The following EFCAB5 variants were observed in gnomAD, a reference collection of about 807,000 sequenced individuals.
EFCAB5 encodes EF-hand calcium-binding domain-containing protein 5.
A neutral mutation model predicts 167.9 loss-of-function variants in EFCAB5; 131 were observed. That is an observed-to-expected ratio of 0.78 (90% CI 0.68 to 0.90). EFCAB5 has a LOEUF of 0.90. Among genes scored for constraint, EFCAB5 ranks in the 40% least tolerant of loss-of-function variants. The pLI, the probability that EFCAB5 is intolerant of heterozygous loss-of-function variation, is 0.00. For missense variants in EFCAB5, 1,663 were observed against 1,745.2 expected, an observed-to-expected ratio of 0.95 and a Z score of 0.84; for synonymous variants, 574 against 602.8, an observed-to-expected ratio of 0.95 and a Z score of 0.70.
chr17:30,053,307 GGAT>G lies in EFCAB5; in HGVS notation c.1354_1356del (p.Asp452del). On this transcript the variant is annotated inframe_deletion, in exon 10 of 23. Coordinates refer to ENST00000394835, the MANE Select transcript of EFCAB5 (RefSeq NM_198529.4). Reference sequence around the variant, plus strand: ...ACTTGACTGAGTTGTGGGGAGACATGGATAATCAGAAACACATTTATGAAGGTT... The same window carrying G: ...ACTTGACTGAGTTGTGGGGAGACATGAATCAGAAACACATTTATGAAGGTT... The G allele has an allele frequency of 6.2e-7, 1 of 1,613,386 alleles. No individual in the cohort carries two copies. Among genetic ancestry groups the G allele is most frequent in the Admixed American group, 1.7e-5 (1 of 59,948 alleles).
At position 29,941,706 on chromosome 17, in the gene EFCAB5, T is replaced by C; in HGVS notation, c.-91T>C. 6.8e-6 allele frequency: 8 copies of C among 1,175,604 alleles called. No homozygotes were observed. The highest frequency in any genetic ancestry group is 9.7e-6 in the Non-Finnish European group (8 of 821,038). 72.8% of individuals were successfully genotyped at this position (1,175,604 alleles called of 1,614,324 possible). Reference sequence around the variant, plus strand: ...CTTTTTTAACTTCTGGAGTACTTTGTGATGTTTATTAATATTTTCTTTCTT... The same window carrying C: ...CTTTTTTAACTTCTGGAGTACTTTGCGATGTTTATTAATATTTTCTTTCTT... On this transcript the variant is annotated 5_prime_UTR_variant, in exon 1 of 23. Coordinates refer to ENST00000394835, the MANE Select transcript of EFCAB5 (RefSeq NM_198529.4).
rs1597778014 is a variant in EFCAB5, at chr17:30,078,371, T to C, written c.2894T>C (p.Leu965Ser). The change falls in exon 15 of 23, where the codon TTA becomes TCA. Residue 965 changes from leucine (L) to serine (S), a missense_variant. By Grantham distance (145) the Leu-to-Ser change is moderately radical (BLOSUM62 -2). Coordinates refer to ENST00000394835, the MANE Select transcript of EFCAB5 (RefSeq NM_198529.4). ...GTTGTGGAATTTCTGATGAATGCTT[T>C]AGAGAGGAGCCACATTGAGAGTCTG... is the stretch of plus-strand genomic sequence containing the variant. The part of the protein sequence containing the change: ...ESVVEFLMNA[L>S]ERSHIESLRN... 1 of 1,613,848 alleles carries C rather than the reference T, an allele frequency of 6.2e-7. No homozygotes were observed. The highest frequency in any genetic ancestry group is 2.2e-5 in the East Asian group (1 of 44,894).
At chr17:30,036,153 ATAT>A (rs896273918) in intron 8 of EFCAB5, among the ~76,000 whole-genome samples, 4 of 141,144 alleles carry the variant, frequency 2.8e-5, no homozygotes, top group Non-Finnish European at 4.6e-5. Flanking sequence ...AATATATAAT[ATAT>A]TATTATATAT....
rs201245772 is a variant in EFCAB5 at position 30,041,888 on chromosome 17, T to A, written c.1200+7503T>A. Among the ~76,000 whole-genome samples, 4 of 152,228 alleles carry A rather than the reference T, an allele frequency of 2.6e-5. No individual in the cohort carries two copies. In the East Asian group the frequency reaches 7.7e-4, roughly 29 times the overall value. On this transcript the variant is annotated intron_variant, in intron 8 of 22. Coordinates refer to ENST00000394835, the MANE Select transcript of EFCAB5 (RefSeq NM_198529.4). The stretch of plus-strand genomic sequence containing the variant: ...AGGCACAGATGATCATTAGCATTTT[T>A]TAGCAATAAAGTGTTTTTAAATTCA...
intron 22 of EFCAB5, 114 bp downstream of exon 22, chr17:30,093,050 G>A (rs2071231450): frequency 1.2e-5 from 8 of 673,494 alleles, no homozygotes; most frequent in Non-Finnish European, 1.9e-5. Context: ...GGAGAAAATA[G>A]TTATAAGTCT....
intron 7 of EFCAB5, among the ~76,000 whole-genome samples, chr17:30,012,436 G>A (rs2068927368): frequency 6.6e-6 from 1 of 152,162 alleles, no homozygotes; most frequent in African/African-American, 2.4e-5. Flanking sequence ...AGTACTAAAA[G>A]TCTCTAATAA....
intron 14 of EFCAB5, chr17:30,069,638 G>T: frequency 6.2e-7 from 1 of 1,601,522 alleles, no homozygotes; most frequent in Non-Finnish European, 8.5e-7. Context: ...CAGCTAGCCT[G>T]GGCCACGGGG....
At chr17:29,976,531 C>A (rs1203526013) in intron 4 of EFCAB5, among the ~76,000 whole-genome samples, 1 of 152,136 alleles carries the variant, frequency 6.6e-6, no homozygotes, top group African/African-American at 2.4e-5. Context: ...GTGTGTTCTG[C>A]TCCTAATCCC....
intron 4 of EFCAB5, among the ~76,000 whole-genome samples, chr17:29,980,814 T>C (rs1016777961): frequency 2.6e-5 from 4 of 152,256 alleles, no homozygotes; most frequent in African/African-American, 9.6e-5. Context: ...TACATCCAAC[T>C]ATTTATTCAA....
intron 13 of EFCAB5, 106 bp from the exon 14 acceptor site, chr17:30,059,439 C>A: frequency 8.1e-7 from 1 of 1,238,684 alleles, no homozygotes; most frequent in Non-Finnish European, 1.1e-6. Flanking sequence ...TCAAAGTAAA[C>A]CTGTTTTAAT....
Position 30,082,879 on chromosome 17 carries a change from C to T in EFCAB5, c.3427-12C>T. The T allele has an allele frequency of 6.3e-7, 1 of 1,593,004 alleles. No homozygotes were observed. Among genetic ancestry groups the T allele is most frequent in the Non-Finnish European group, 8.5e-7 (1 of 1,170,426 alleles). ...AAAAAGAATAGGCTATTTGAATTTT[C>T]TGTCTCTACAGGGTGTTGCTAATGT... On this transcript the variant is annotated splice_polypyrimidine_tract_variant and intron_variant, in intron 17 of 22. Transcript: ENST00000394835.
At chr17:30,029,934 TC>T (rs1222539130) in intron 7 of EFCAB5, among the ~76,000 whole-genome samples, 6 of 152,090 alleles carry the variant, frequency 3.9e-5, no homozygotes, top group African/African-American at 1.4e-4. Context: ...GAAAGGAAAA[TC>T]CCAGAATTCA....
intron 3 of EFCAB5, among the ~76,000 whole-genome samples, chr17:29,944,770 C>T (rs1259984500): frequency 1.1e-4 from 16 of 151,788 alleles, no homozygotes; most frequent in Admixed American, 9.9e-4. Context: ...ATTACAAGCA[C>T]GTGCCATCAC....
chr17:29,956,164 T>G (rs1227916856), intron 3 of EFCAB5, among the ~76,000 whole-genome samples: 1 of 152,270 alleles, frequency 6.6e-6, no homozygotes, highest in African/African-American at 2.4e-5. Flanking sequence ...TGGAATCTAT[T>G]AAATTGTCTA....
chr17:30,030,334 T>G (rs376664593), intron 7 of EFCAB5, among the ~76,000 whole-genome samples: 3 of 151,804 alleles, frequency 2.0e-5, no homozygotes, highest in African/African-American at 7.2e-5. Context: ...CAGAAAAAGG[T>G]TTGTTTGTTT....
intron 22 of EFCAB5, among the ~76,000 whole-genome samples, chr17:30,096,189 C>CT: frequency 6.6e-6 from 1 of 152,298 alleles, no homozygotes; most frequent in Non-Finnish European, 1.5e-5. Context: ...AAACCCCCTG[C>CT]TTTTCAGTTC....
chr17:30,057,700 T>C lies in EFCAB5; in HGVS notation c.2390T>C (p.Ile797Thr), dbSNP rs1341310313. ...GATTTACACTCAATTATCAGAAATA[T>C]TCAGTCTTGCAAGGAGGTAAAAGGC... is the stretch of plus-strand genomic sequence containing the variant. ...FTDLHSIIRN[I>T]QSCKEVKGRT... is the part of the protein sequence containing the mutation. Residue 797 changes from isoleucine (I) to threonine (T), a missense_variant, in exon 13 of 23, where the codon ATT becomes ACT. Ile to Thr is a moderately conservative substitution (Grantham distance 89, BLOSUM62 -1). Coordinates refer to ENST00000394835, the MANE Select transcript of EFCAB5 (RefSeq NM_198529.4). 1 of 1,613,280 alleles carries C rather than the reference T, an allele frequency of 6.2e-7. No individual in the cohort carries two copies. The highest frequency in any genetic ancestry group is 8.5e-7 in the Non-Finnish European group (1 of 1,179,428).
upstream of EFCAB5, among the ~76,000 whole-genome samples, chr17:29,940,337 A>G (rs1183705762): frequency 1.3e-5 from 2 of 152,120 alleles, no homozygotes; most frequent in Admixed American, 1.3e-4. Flanking sequence ...TTGGCCTCCC[A>G]AAGTGCTGGG....
intron 14 of EFCAB5, among the ~76,000 whole-genome samples, chr17:30,072,726 C>G (rs764817593): frequency 2.0e-5 from 3 of 152,090 alleles, no homozygotes; most frequent in African/African-American, 4.8e-5. Flanking sequence ...CTTATTGTAT[C>G]TTATCAAAAG....
Sources: allele counts gnomAD v4.1 joint callset (sites outside exome capture counted in the v4.1 genomes callset), GRCh38; gene constraint gnomAD v4.1.1; transcripts MANE v1.5; gene names NCBI Gene and HGNC (gene_info 2026-07-23, HGNC 2026-07-21).